The following SLC25A38 variants were observed in gnomAD, a reference collection of about 807,000 sequenced individuals.
SLC25A38 encodes solute carrier family 25 member 38, also known as mitochondrial glycine transporter.
Under a neutral mutation model 33.4 loss-of-function variants are expected in SLC25A38, and 27 were observed. The ratio of observed to expected loss-of-function variants is 0.81; its 90% CI spans 0.60 to 1.11. SLC25A38 has a LOEUF of 1.11. SLC25A38 is among the 50% of genes most tolerant of loss of function. The probability of loss-of-function intolerance (pLI) is 0.00; values close to 1 mark genes in which losing one functional copy is unlikely to be tolerated. For synonymous variants in SLC25A38, 123 were observed against 145.9 expected (o/e 0.84, Z 1.13); for missense variants, 344 against 388.8 (o/e 0.88, Z 0.97).
intron 1 of SLC25A38, among the ~76,000 whole-genome samples, chr3:39,384,062 G>C (rs940532912): frequency 2.0e-5 from 3 of 152,216 alleles, no homozygotes; most frequent in Non-Finnish European, 4.4e-5. Flanking sequence ...TGGACTGGAC[G>C]CGTGCCGGGG....
Position 39,383,678 on chromosome 3 carries a change from C to T in SLC25A38, c.-47C>T, listed in dbSNP as rs371816810. The T allele has an allele frequency of 2.3e-5, 37 of 1,611,446 alleles. No individual in the cohort carries two copies. The highest frequency in any genetic ancestry group is 3.1e-5 in the Non-Finnish European group (37 of 1,177,920). On this transcript the variant is annotated 5_prime_UTR_variant, in exon 1 of 7. Coordinates refer to ENST00000650617, the MANE Select transcript of SLC25A38 (RefSeq NM_017875.4). ...GGCCTCCAGGGCTGGGCCCAAGCGC[C>T]CGTCGACGGCACCCTGGGCCCAGAG...
At chr3:39,391,413 TTTC>T (rs780242082) in intron 3 of SLC25A38, 25 bp from the exon 4 acceptor site, 1 of 1,612,446 alleles carries the variant, frequency 6.2e-7, no homozygotes, top group South Asian at 1.1e-5. Context: ...GGTCTTTGAT[TTTC>T]TTTTCTCCCT....
Position 39,396,635 on chromosome 3 carries a change from A to T in SLC25A38, c.*115A>T. On this transcript the variant is annotated 3_prime_UTR_variant, in exon 7 of 7. Transcript: ENST00000650617. ...AGTCCTACCTGGAAAACCAGGCAGA[A>T]ATTGTGTTGCCTTTGCCTTCAGTAA... The T allele has an allele frequency of 6.4e-7, 1 of 1,565,958 alleles. No individual in the cohort carries two copies. The highest frequency in any genetic ancestry group is 8.8e-7 in the Non-Finnish European group (1 of 1,142,690).
Position 39,391,528 on chromosome 3 carries a change from A to G in SLC25A38, c.364A>G (p.Thr122Ala), listed in dbSNP as rs1348657690. 6.2e-7 allele frequency: 1 copy of G among 1,613,890 alleles called. No homozygotes were observed. The highest frequency in any genetic ancestry group is 8.5e-7 in the Non-Finnish European group (1 of 1,179,998). Residue 122 changes from threonine to alanine, a missense_variant, in exon 4 of 7, where the codon ACC (threonine) becomes GCC (alanine). By Grantham distance (58) the Thr-to-Ala change is moderately conservative (BLOSUM62 0). Around this residue, in one of 2 missense-constraint regions of SLC25A38, gnomAD observed 269 missense variants for 271.8 expected, o/e 0.99. Transcript: ENST00000650617. The part of the protein sequence containing the change: ...KQYFLRGHPP[T>A]ALESVMLGVG... The stretch of plus-strand genomic sequence containing the variant: ...GTATTTCTTGCGAGGCCATCCCCCA[A>G]CCGCCCTGGAGTCAGTCATGCTGGG...
Position 39,383,975 on chromosome 3 carries a change from G to A in SLC25A38, c.69+182G>A, listed in dbSNP as rs141127535. Among the ~76,000 whole-genome samples, 1,931 of 152,314 alleles carry A rather than the reference G, an allele frequency of 0.013. 42 individuals are homozygous for A. Among genetic ancestry groups the A allele is most frequent in the African/African-American group, 0.044 (1,824 of 41,566 alleles). The stretch of plus-strand genomic sequence containing the variant: ...AGAAGGGGGCAGGGAGTGAGGAGAG[G>A]CCAGGAGCTGCAGGCCAGCCCTGGG... On this transcript the variant is annotated intron_variant, in intron 1 of 6. Transcript: ENST00000650617.
rs143865753 is a variant in SLC25A38 at position 39,391,610 on chromosome 3, C to T, written c.446C>T (p.Thr149Met). 3.6e-5 allele frequency: 58 copies of T among 1,614,194 alleles called. No individual in the cohort carries two copies. The highest frequency in any genetic ancestry group is 1.6e-4 in the Middle Eastern group (1 of 6,062). ...VCMSPITVIK[T>M]RYESGKYGYE... The stretch of plus-strand genomic sequence containing the variant: ...ATGTCACCTATCACTGTAATCAAGA[C>T]GCGCTATGAGGTGAGTTCAACCACT... The change falls in exon 4 of 7, where the codon ACG becomes ATG. Residue 149 changes from threonine (T) to methionine (M), a missense_variant. By Grantham distance (81) the Thr-to-Met change is moderately conservative. This residue lies in a region of SLC25A38 where 269 missense variants were observed against 271.8 expected (regional missense o/e 0.99). Transcript: ENST00000650617.
chr3:39,389,278 C>T lies in SLC25A38; in HGVS notation c.70-217C>T, dbSNP rs2041734823. ...AATATGTCTATCAGCAATACGAAGA[C>T]CAGAGATACCTCTTGCAGCATCCAA... On this transcript the variant is annotated intron_variant, in intron 1 of 6. Coordinates refer to ENST00000650617, the MANE Select transcript of SLC25A38 (RefSeq NM_017875.4). This position sits in a 1 kb window ranked among gnomAD's most constrained non-coding sequence, Gnocchi z 4.5. 1.3e-6 allele frequency: 1 copy of T among 754,126 alleles called. No homozygotes were observed. The highest frequency in any genetic ancestry group is 2.3e-6 in the Non-Finnish European group (1 of 431,132). 46.7% of individuals were successfully genotyped at this position (754,126 alleles called of 1,614,324 possible). A position where few individuals can be genotyped will look rare whatever the true frequency, so the allele number is the denominator to read the frequency against.
rs911762294 is a variant in SLC25A38 at position 39,383,530 on chromosome 3, C to T, written c.-195C>T. 24 of 619,534 alleles carry T rather than the reference C, an allele frequency of 3.9e-5. No homozygotes were observed. The highest frequency in any genetic ancestry group is 3.3e-4 in the South Asian group (17 of 51,190). The allele number at this position is 619,534 out of a possible 1,614,324, so 38.4% of individuals were successfully genotyped here. ...ATTCCCGCAGCAAGATTGTTCCGCG[C>T]CCGCAGCCCCTGGACTAGCAGGATC... is the stretch of plus-strand genomic sequence containing the variant. On this transcript the variant is annotated 5_prime_UTR_variant, in exon 1 of 7. Transcript: ENST00000650617.
chr3:39,383,570 T>G lies in SLC25A38; in HGVS notation c.-155T>G, dbSNP rs577313460. On this transcript the variant is annotated 5_prime_UTR_variant, in exon 1 of 7. Coordinates refer to ENST00000650617, the MANE Select transcript of SLC25A38 (RefSeq NM_017875.4). ...CTAGCAGGATCCGAACCCCGGCGGCTGCGTGCTTATAGGCGCAGACGTCAG... is the reference window on the plus strand; with the variant it reads ...CTAGCAGGATCCGAACCCCGGCGGCGGCGTGCTTATAGGCGCAGACGTCAG... 2 of 762,070 alleles carry G rather than the reference T, an allele frequency of 2.6e-6. No individual in the cohort carries two copies. The highest frequency in any genetic ancestry group is 3.5e-5 in the African/African-American group (2 of 56,904). The allele number at this position is 762,070 out of a possible 1,614,324, so 47.2% of individuals were successfully genotyped here. A position where few individuals can be genotyped will look rare whatever the true frequency, so the allele number is the denominator to read the frequency against.
At chr3:39,390,583 C>T in intron 3 of SLC25A38, 76 bp downstream of exon 3, 1 of 1,437,422 alleles carries the variant, frequency 7.0e-7, no homozygotes, top group Non-Finnish European at 9.8e-7. Context: ...ACCTTACCAG[C>T]TCTTAAGGAT....
In SLC25A38 at chr3:39,391,873, G is replaced by A. The variant is rs775839743; in HGVS notation, c.477G>A (p.Glu159=). ...TGCAGAGTGGGAAATATGGCTATGA[G>A]AGTATCTACGCTGCCCTGAGGAGCA... The part of the protein sequence containing the change: ...TRYESGKYGY[E]SIYAALRSIY... The change falls in exon 5 of 7, where the codon GAG becomes GAA. Residue 159 remains glutamate (E), a synonymous_variant. Coordinates refer to ENST00000650617, the MANE Select transcript of SLC25A38 (RefSeq NM_017875.4). 1.5e-5 allele frequency: 24 copies of A among 1,613,754 alleles called. No homozygotes were observed. The South Asian group carries it at 2.6e-4, about 18-fold the overall frequency.
Position 39,390,393 on chromosome 3 carries a change from C to G in SLC25A38, c.192-30C>G, listed in dbSNP as rs754043850. The stretch of plus-strand genomic sequence containing the variant: ...GAGGAAGTGATCTAAGTGATTTTTT[C>G]CTTCCTGTCTCCATTTTGTCTGCTT... On this transcript the variant is annotated intron_variant, in intron 2 of 6. Coordinates refer to ENST00000650617, the MANE Select transcript of SLC25A38 (RefSeq NM_017875.4). The G allele has an allele frequency of 3.7e-6, 6 of 1,611,456 alleles. 1 individual carries two copies. Among genetic ancestry groups the G allele is most frequent in the South Asian group, 3.3e-5 (3 of 91,044 alleles).
At chr3:39,383,861 G>T in intron 1 of SLC25A38, 68 bp downstream of exon 1, 2 of 1,566,508 alleles carry the variant, frequency 1.3e-6, no homozygotes, top group Admixed American at 3.4e-5. Flanking sequence ...AATTCGGGGC[G>T]TTGCTAAGGC....
At chr3:39,387,995 C>T (rs1360382193) in intron 1 of SLC25A38, 2 of 152,520 alleles carry the variant, frequency 1.3e-5, no homozygotes, top group East Asian at 3.9e-4. Context: ...GGGACTGGCA[C>T]AGAGCAAGTG....
rs751419958 is a variant in SLC25A38, at chr3:39,391,910, G to A, written c.514G>A (p.Glu172Lys). Reference sequence around the variant, plus strand: ...TGCCCTGAGGAGCATCTATCACAGTGAGGGGCACCGGGGCCTCTTCAGTGG... The same window carrying A: ...TGCCCTGAGGAGCATCTATCACAGTAAGGGGCACCGGGGCCTCTTCAGTGG... The part of the protein sequence containing the change: ...YAALRSIYHS[E>K]GHRGLFSGLT... The change falls in exon 5 of 7, where the codon GAG (glutamate) becomes AAG (lysine). Residue 172 changes from glutamate (E) to lysine (K), a missense_variant. Physicochemically the swap from Glu to Lys is moderately conservative, Grantham distance 56. Transcript: ENST00000650617. 1 of 1,614,142 alleles carries A rather than the reference G, an allele frequency of 6.2e-7. No homozygotes were observed. Among genetic ancestry groups the A allele is most frequent in the African/African-American group, 1.3e-5 (1 of 75,020 alleles).
intron 1 of SLC25A38, among the ~76,000 whole-genome samples, chr3:39,386,087 T>A (rs1025354810): frequency 5.9e-5 from 9 of 152,254 alleles, no homozygotes; most frequent in Admixed American, 3.9e-4. Context: ...TTGGGTTTTT[T>A]AAAATTATAA....
intron 1 of SLC25A38, among the ~76,000 whole-genome samples, chr3:39,388,854 G>A (rs867269130): frequency 6.6e-6 from 1 of 152,178 alleles, no homozygotes; most frequent in Non-Finnish European, 1.5e-5. Flanking sequence ...TCCAGGTGGT[G>A]TCTGTAGATT....
chr3:39,396,400 C>A lies in SLC25A38; in HGVS notation c.795C>A (p.Asp265Glu), dbSNP rs1251072391. The A allele has an allele frequency of 1.9e-6, 3 of 1,613,932 alleles. No homozygotes were observed. Among genetic ancestry groups the A allele is most frequent in the Non-Finnish European group, 2.5e-6 (3 of 1,180,014 alleles). Residue 265 changes from aspartate to glutamate, a missense_variant and splice_region_variant, in exon 7 of 7, where the codon GAC becomes GAA. Physicochemically the swap from Asp to Glu is conservative, Grantham distance 45. This residue lies in a region of SLC25A38 where 75 missense variants were observed against 117.0 expected (regional missense o/e 0.64). Coordinates refer to ENST00000650617, the MANE Select transcript of SLC25A38 (RefSeq NM_017875.4). Reference sequence around the variant, plus strand: ...TCTGACATTTATTTTCACCATAGGACTATGGACTACGTGGCTTCTTCCAAG... The same window carrying A: ...TCTGACATTTATTTTCACCATAGGAATATGGACTACGTGGCTTCTTCCAAG... ...IGQAVTLIFK[D>E]YGLRGFFQGG...
Position 39,389,342 on chromosome 3 carries a change from A to G in SLC25A38, c.70-153A>G, listed in dbSNP as rs2041735361. ...ATTGCAGTATTTTTAATTTCTGGCTATACTTTTTCCTTCTCCGAGGTATGA... is the reference window on the plus strand; with the variant it reads ...ATTGCAGTATTTTTAATTTCTGGCTGTACTTTTTCCTTCTCCGAGGTATGA... On this transcript the variant is annotated intron_variant, in intron 1 of 6. Coordinates refer to ENST00000650617, the MANE Select transcript of SLC25A38 (RefSeq NM_017875.4). This position sits in a 1 kb window ranked among gnomAD's most constrained non-coding sequence, Gnocchi z 4.5. 3 of 1,168,098 alleles carry G rather than the reference A, an allele frequency of 2.6e-6. No individual in the cohort carries two copies. Among genetic ancestry groups the G allele is most frequent in the Non-Finnish European group, 3.8e-6 (3 of 796,296 alleles). The allele number at this position is 1,168,098 out of a possible 1,614,324, so 72.4% of individuals were successfully genotyped here.
Sources: allele counts gnomAD v4.1 joint callset (sites outside exome capture counted in the v4.1 genomes callset), GRCh38; gene constraint gnomAD v4.1.1; regional missense constraint gnomAD v4.1.1; non-coding constraint Gnocchi (gnomAD v3.1); transcripts MANE v1.5; gene names NCBI Gene and HGNC (gene_info 2026-07-23, HGNC 2026-07-21).